FAAH2: variants seen among roughly 807,000 people sequenced by gnomAD.
FAAH2 encodes fatty-acid amide hydrolase 2.
Under a neutral mutation model 36.9 loss-of-function variants are expected in FAAH2, and 60 were observed. The ratio of observed to expected loss-of-function variants is 1.63; its 90% CI spans 1.32 to 2.02. The LOEUF is 2.02. FAAH2 is among the 30% of genes most tolerant of loss of function. The pLI, the probability that FAAH2 is intolerant of heterozygous loss-of-function variation, is 0.00. For synonymous variants in FAAH2, 214 were observed against 143.8 expected (o/e 1.49, Z -3.49); for missense variants, 689 against 397.5 (o/e 1.73, Z -6.23).
intron 5 of FAAH2, among the ~76,000 whole-genome samples, chrX:57,355,584 T>C (rs1205931660): frequency 9.0e-6 from 1 of 111,196 alleles, no homozygotes; most frequent in Non-Finnish European, 1.9e-5. Context: ...TTAATTTCAT[T>C]TTCAGATTGT....
intron 10 of FAAH2, among the ~76,000 whole-genome samples, chrX:57,478,122 C>T (rs7880767): frequency 4.7e-4 from 53 of 111,878 alleles, no homozygotes; most frequent in African/African-American, 1.7e-3. Context: ...GAAAGTGTTC[C>T]TATTTCCCCA....
intron 7 of FAAH2, among the ~76,000 whole-genome samples, chrX:57,420,514 C>T (rs1257837993): frequency 9.0e-6 from 1 of 111,111 alleles, no homozygotes; most frequent in African/African-American, 3.3e-5. Flanking sequence ...TGATTTGGCT[C>T]TCTGTTTGTC....
At chrX:57,482,176 C>T (rs191333542) in intron 10 of FAAH2, among the ~76,000 whole-genome samples, 8 of 111,776 alleles carry the variant, frequency 7.2e-5, no homozygotes, top group East Asian at 5.7e-4. Flanking sequence ...TGCTGGACTC[C>T]CTGGCAGTGG....
chrX:57,412,834 C>T lies in FAAH2; in HGVS notation c.997-19084C>T, dbSNP rs753614947. 1.3e-4 allele frequency among the ~76,000 whole-genome samples: 15 copies of T among 112,005 alleles called. 1 individual carries two copies. In the South Asian group the frequency reaches 4.1e-3, roughly 31 times the overall value. ...ACAATGGTTGAACTAATTGATACTCCAACCAACACTGTAAAAGCGTTCCTA... is the reference window on the plus strand; with the variant it reads ...ACAATGGTTGAACTAATTGATACTCTAACCAACACTGTAAAAGCGTTCCTA... On this transcript the variant is annotated intron_variant, in intron 7 of 10. Transcript: ENST00000374900.
the FAAH2 span, among the ~76,000 whole-genome samples, chrX:57,196,041 G>A: frequency 8.9e-6 from 1 of 111,823 alleles, no homozygotes; most frequent in African/African-American, 3.2e-5. Context: ...TGTGATGCTT[G>A]CAGATTTGTT....
At chrX:57,412,630 G>A (rs183853885) in intron 7 of FAAH2, among the ~76,000 whole-genome samples, 4 of 111,926 alleles carry the variant, frequency 3.6e-5, no homozygotes. Flanking sequence ...TTATTGATGG[G>A]TATTTGCCTT....
At chrX:57,159,964 G>C in the FAAH2 span, among the ~76,000 whole-genome samples, 1 of 111,683 alleles carries the variant, frequency 9.0e-6, no homozygotes, top group Non-Finnish European at 1.9e-5. Flanking sequence ...GTATGATATT[G>C]ACTGTGGGTT....
intron 8 of FAAH2, among the ~76,000 whole-genome samples, chrX:57,436,422 G>C (rs1156456794): frequency 9.1e-6 from 1 of 109,554 alleles, no homozygotes; most frequent in Non-Finnish European, 1.9e-5. Flanking sequence ...GAAGTACAAA[G>C]GGTCACTGAA....
chrX:57,343,815 T>C (rs1011579430), intron 5 of FAAH2, among the ~76,000 whole-genome samples: 4 of 111,790 alleles, frequency 3.6e-5, no homozygotes, highest in Non-Finnish European at 7.5e-5. Context: ...GGGATCCAGT[T>C]ATATTTTTCT....
upstream of FAAH2, among the ~76,000 whole-genome samples, chrX:57,285,086 G>A (rs1407184200): frequency 8.9e-6 from 1 of 112,393 alleles, no homozygotes; most frequent in Non-Finnish European, 1.9e-5. Context: ...GTTTTGCTCA[G>A]AACTGTAATG....
At chrX:57,254,506 T>C in the FAAH2 span, among the ~76,000 whole-genome samples, 15 of 111,899 alleles carry the variant, frequency 1.3e-4, no homozygotes, top group Admixed American at 8.5e-4. Flanking sequence ...TATTCTAAAA[T>C]TGACCACATA....
chrX:57,163,824 G>C, the FAAH2 span, among the ~76,000 whole-genome samples: 1 of 112,380 alleles, frequency 8.9e-6, no homozygotes, highest in Non-Finnish European at 1.9e-5. Context: ...CCCGTCTTCT[G>C]CGTTGCTCAC....
intron 7 of FAAH2, among the ~76,000 whole-genome samples, chrX:57,423,259 G>T (rs773717365): frequency 4.5e-5 from 5 of 111,943 alleles, no homozygotes; most frequent in Non-Finnish European, 9.4e-5. Context: ...CAAGTCTCTG[G>T]ACTGAGATTT....
the FAAH2 span, among the ~76,000 whole-genome samples, chrX:57,268,254 G>A: frequency 9.0e-6 from 1 of 111,439 alleles, no homozygotes; most frequent in Non-Finnish European, 1.9e-5. Flanking sequence ...AAATCTTAGA[G>A]CATGAAGACT....
the FAAH2 span, among the ~76,000 whole-genome samples, chrX:57,255,755 G>A: frequency 2.0e-3 from 227 of 111,612 alleles, 2 homozygotes; most frequent in African/African-American, 7.2e-3. Context: ...TCAATAAACT[G>A]GGTATTGAGG....
intron 6 of FAAH2, among the ~76,000 whole-genome samples, chrX:57,379,903 A>T (rs1439110906): frequency 2.8e-5 from 3 of 108,377 alleles, no homozygotes; most frequent in Non-Finnish European, 5.7e-5. Flanking sequence ...GGCAATATTG[A>T]TATTACTCCA....
rs1305582292 is a variant in FAAH2 at position 57,426,252 on chromosome X, C to T, written c.997-5666C>T. 2.7e-5 allele frequency among the ~76,000 whole-genome samples: 3 copies of T among 111,421 alleles called. No individual in the cohort carries two copies. The Admixed American group carries it at 2.9e-4, about 11-fold the overall frequency. ...AATAAATCCTAAGTATATATGCACCCAGAATCATAAAACAAATATTACTAG... is the reference window on the plus strand; with the variant it reads ...AATAAATCCTAAGTATATATGCACCTAGAATCATAAAACAAATATTACTAG... On this transcript the variant is annotated intron_variant, in intron 7 of 10. Transcript: ENST00000374900.
At chrX:57,270,708 C>T in the FAAH2 span, among the ~76,000 whole-genome samples, 2 of 111,447 alleles carry the variant, frequency 1.8e-5, no homozygotes, top group Non-Finnish European at 3.8e-5. Flanking sequence ...TGGGTTGTTG[C>T]CTCACCTGGG....
chrX:57,215,728 C>T, the FAAH2 span, among the ~76,000 whole-genome samples: 1 of 109,908 alleles, frequency 9.1e-6, no homozygotes, highest in South Asian at 4.0e-4. Context: ...GGACACCAAA[C>T]ACCACATGTT....
Sources: gnomAD v4.1 joint callset for allele counts (sites outside exome capture counted in the v4.1 genomes callset) on GRCh38, gnomAD v4.1.1 for gene constraint, MANE v1.5 for transcripts, NCBI Gene and HGNC (gene_info 2026-07-23, HGNC 2026-07-21) for gene names.